Variants in RNF38 observed in about 807,000 individuals in gnomAD.
The protein encoded by RNF38 is E3 ubiquitin-protein ligase RNF38.
In RNF38, 15 loss-of-function variants were observed where a neutral mutation model predicts 67.2. The observed-to-expected ratio is 0.22, with a 90% CI of 0.15 to 0.34. RNF38 has a LOEUF of 0.34. Ranked by LOEUF, RNF38 falls within the 10% of genes least tolerant of loss-of-function variation. RNF38 has a pLI of 1.00. For synonymous variants in RNF38, 220 were observed against 218.8 expected (o/e 1.01, Z -0.05); for missense variants, 524 against 639.9 (o/e 0.82, Z 1.95).
rs906328122 is a variant in RNF38 at position 36,444,341 on chromosome 9, T to C, written n.242-19658A>G. 2.0e-5 allele frequency among the ~76,000 whole-genome samples: 3 copies of C among 152,200 alleles called. No individual in the cohort carries two copies. The East Asian group carries it at 5.8e-4, about 29-fold the overall frequency. ...GGGGAAGGGAGAGCATCAGGAAGAA[T>C]AGCTAATGGATGCTGGGCTTAATAC... On this transcript the variant is annotated intron_variant and non_coding_transcript_variant, in intron 1 of 3. Coordinates refer to the RNF38 transcript ENST00000488058.
At chr9:36,452,404 A>C (rs1001900299) in intron 1 of RNF38, among the ~76,000 whole-genome samples, 6 of 150,474 alleles carry the variant, frequency 4.0e-5, no homozygotes, top group African/African-American at 1.5e-4. Context: ...TTACTTTCCC[A>C]ATGAATTTGC....
intron 1 of RNF38, among the ~76,000 whole-genome samples, chr9:36,471,775 T>G (rs971635041): frequency 6.6e-6 from 1 of 152,234 alleles, no homozygotes; most frequent in African/African-American, 2.4e-5. Context: ...TTTACTTCTT[T>G]TTAGAAATGG....
chr9:36,442,474 A>C (rs1839213031), intron 1 of RNF38, among the ~76,000 whole-genome samples: 1 of 152,208 alleles, frequency 6.6e-6, no homozygotes, highest in Non-Finnish European at 1.5e-5. Context: ...TCATATTTTA[A>C]AAATACATTA....
At chr9:36,352,657 G>T in intron 8 of RNF38, 85 bp downstream of exon 8, 3 of 1,020,182 alleles carry the variant, frequency 2.9e-6, no homozygotes, top group Non-Finnish European at 3.1e-6. Context: ...CACACCAAAA[G>T]CTATAGACAC....
Position 36,363,425 on chromosome 9 carries a change from T to C in RNF38, c.571-5483A>G, listed in dbSNP as rs1439732944. The stretch of plus-strand genomic sequence containing the variant: ...TGACCAACAGGTTTCCAAAAGATCA[T>C]GCTACTTTTTACTTCCACTAGCAAT... On this transcript the variant is annotated intron_variant, in intron 4 of 11. Transcript: ENST00000259605. 7.9e-5 allele frequency among the ~76,000 whole-genome samples: 8 copies of C among 100,758 alleles called. 3 individuals are homozygous for C. The East Asian group carries it at 2.1e-3, about 26-fold the overall frequency. The allele number at this position is 100,758 out of a possible 152,430, so 66.1% of individuals were successfully genotyped here. A position where few individuals can be genotyped will look rare whatever the true frequency, so the allele number is the denominator to read the frequency against.
In RNF38 at chr9:36,346,978, G is replaced by A. The variant is rs529375835; in HGVS notation, c.1264-2025C>T. Among the ~76,000 whole-genome samples, 4 of 152,032 alleles carry A rather than the reference G, an allele frequency of 2.6e-5. No individual in the cohort carries two copies. In the South Asian group the frequency reaches 8.3e-4, roughly 32 times the overall value. ...ACTAAAATTACAAAAAAATTAGACA[G>A]GCATGGTGGCGTGCACCTGTAATCT... On this transcript the variant is annotated intron_variant, in intron 9 of 11. Transcript: ENST00000259605.
At position 36,336,553 on chromosome 9, in the gene RNF38, C is replaced by A. The variant is rs959381617; in HGVS notation, c.*3199G>T. On this transcript the variant is annotated 3_prime_UTR_variant, in exon 12 of 12. Coordinates refer to ENST00000259605, the MANE Select transcript of RNF38 (RefSeq NM_022781.5). ...CAAACTTTGTTAAAAATTTATCAAG[C>A]CTTCAAATGATTTGGTTACAGATAT... 5 of 152,438 alleles carry A rather than the reference C, an allele frequency of 3.3e-5. No individual in the cohort carries two copies. The highest frequency in any genetic ancestry group is 7.4e-5 in the Non-Finnish European group (5 of 68,004). The allele number at this position is 152,438 out of a possible 1,614,324, so 9.4% of individuals were successfully genotyped here. A position where few individuals can be genotyped will look rare whatever the true frequency, so the allele number is the denominator to read the frequency against.
intron 1 of RNF38, among the ~76,000 whole-genome samples, chr9:36,430,123 G>T (rs1013508756): frequency 2.6e-5 from 4 of 152,122 alleles, no homozygotes; most frequent in Non-Finnish European, 5.9e-5. Flanking sequence ...TTATCAAGAG[G>T]ATGGTCACTG....
At chr9:36,342,621 A>C (rs1832932469) in intron 10 of RNF38, among the ~76,000 whole-genome samples, 197 bp from the exon 11 acceptor site, 1 of 152,198 alleles carries the variant, frequency 6.6e-6, no homozygotes, top group African/African-American at 2.4e-5. Flanking sequence ...TTAGCAAGAA[A>C]ATTTCTAGTT....
rs2133272685 is a variant in RNF38, at chr9:36,337,470, T to C, written c.*2282A>G. ...GGAGAGAAGAAAAAGCTGCTACTCC[T>C]AGTCATTAGTACAATGTGCTGTGTT... On this transcript the variant is annotated 3_prime_UTR_variant, in exon 12 of 12. Coordinates refer to ENST00000259605, the MANE Select transcript of RNF38 (RefSeq NM_022781.5). 1 of 152,830 alleles carries C rather than the reference T, an allele frequency of 6.5e-6. No homozygotes were observed. Among genetic ancestry groups the C allele is most frequent in the East Asian group, 1.9e-4 (1 of 5,194 alleles). 9.5% of individuals were successfully genotyped at this position (152,830 alleles called of 1,614,324 possible).
chr9:36,455,369 T>C (rs1200180834), intron 1 of RNF38, among the ~76,000 whole-genome samples: 2 of 151,934 alleles, frequency 1.3e-5, no homozygotes, highest in Non-Finnish European at 2.9e-5. Flanking sequence ...GCCTTGTAAA[T>C]GAAATATTGT....
chr9:36,405,222 G>A (rs561120941), upstream of RNF38, among the ~76,000 whole-genome samples: 21 of 152,016 alleles, frequency 1.4e-4, no homozygotes, highest in African/African-American at 3.1e-4. Flanking sequence ...AGCTGAAATC[G>A]TGCCTTTGCA....
intron 3 of RNF38, among the ~76,000 whole-genome samples, chr9:36,372,297 A>T (rs572404860): frequency 2.4e-4 from 36 of 152,314 alleles, no homozygotes; most frequent in Admixed American, 7.2e-4. Context: ...TCATGAGTAC[A>T]ATATCCCTCA....
chr9:36,379,089 G>C (rs1236827962), intron 2 of RNF38, among the ~76,000 whole-genome samples: 1 of 152,008 alleles, frequency 6.6e-6, no homozygotes, highest in Non-Finnish European at 1.5e-5. Context: ...TAGTAGAGAT[G>C]GGGTTTCTCT....
At chr9:36,454,742 C>T (rs1244742317) in intron 1 of RNF38, among the ~76,000 whole-genome samples, 1 of 151,774 alleles carries the variant, frequency 6.6e-6, no homozygotes, top group African/African-American at 2.4e-5. Context: ...ACTACCAGGA[C>T]TGGCTAATTT....
At chr9:36,478,556 A>G (rs193069074) in intron 1 of RNF38, among the ~76,000 whole-genome samples, 8 of 150,026 alleles carry the variant, frequency 5.3e-5, no homozygotes, top group African/African-American at 2.0e-4. Flanking sequence ...GGTGGCTCAT[A>G]CTTGTAATCC....
intron 1 of RNF38, among the ~76,000 whole-genome samples, chr9:36,469,712 A>G (rs916892792): frequency 2.0e-5 from 3 of 152,100 alleles, no homozygotes; most frequent in African/African-American, 7.2e-5. Context: ...GCGGTGGCTC[A>G]CACCTGTAAT....
At chr9:36,371,480 T>C (rs1266789748) in intron 3 of RNF38, among the ~76,000 whole-genome samples, 3 of 151,224 alleles carry the variant, frequency 2.0e-5, no homozygotes, top group Non-Finnish European at 3.0e-5. Flanking sequence ...GTTTCACTCT[T>C]GTCACCCAGG....
At chr9:36,451,194 T>C (rs1369035341) in intron 1 of RNF38, among the ~76,000 whole-genome samples, 1 of 152,066 alleles carries the variant, frequency 6.6e-6, no homozygotes, top group Non-Finnish European at 1.5e-5. Flanking sequence ...CCGGGCGCAG[T>C]GGCTCATGTC....
Sources: gnomAD v4.1 joint callset for allele counts (sites outside exome capture counted in the v4.1 genomes callset) on GRCh38, gnomAD v4.1.1 for gene constraint, MANE v1.5 for transcripts, NCBI Gene and HGNC (gene_info 2026-07-23, HGNC 2026-07-21) for gene names.